Variants in CRIM1 observed in about 807,000 individuals in gnomAD.
CRIM1 encodes cysteine-rich motor neuron 1 protein.
Under a neutral mutation model 116.4 loss-of-function variants are expected in CRIM1, and 32 were observed. The ratio of observed to expected loss-of-function variants is 0.27; its 90% CI spans 0.21 to 0.37. The LOEUF is 0.37. Among genes scored for constraint, CRIM1 ranks in the 10% least tolerant of loss-of-function variants. CRIM1 has a pLI of 1.00. For synonymous variants in CRIM1, 590 were observed against 509.2 expected (o/e 1.16, Z -2.13); for missense variants, 1,331 against 1,354.8 (o/e 0.98, Z 0.28).
intron 2 of CRIM1, among the ~76,000 whole-genome samples, chr2:36,405,292 C>T (rs1466734595): frequency 1.3e-5 from 2 of 152,092 alleles, no homozygotes; most frequent in African/African-American, 2.4e-5. Context: ...ACAGAATTTC[C>T]TCTTAATGTT....
intron 4 of CRIM1, among the ~76,000 whole-genome samples, chr2:36,458,694 G>T (rs1572780419): frequency 6.6e-6 from 1 of 152,196 alleles, no homozygotes; most frequent in East Asian, 1.9e-4. Flanking sequence ...GACACAAGGT[G>T]ACTGATGTTC....
rs3755204 is a variant in CRIM1 at position 36,458,598 on chromosome 2, C to T, written c.870-5936C>T. On this transcript the variant is annotated intron_variant, in intron 4 of 16. Coordinates refer to ENST00000280527, the MANE Select transcript of CRIM1 (RefSeq NM_016441.3). Reference sequence around the variant, plus strand: ...ATAATTATTATGCCCCCACGAAAAACAAAACGTCACCAGTGCAAAGGCCCT... The same window carrying T: ...ATAATTATTATGCCCCCACGAAAAATAAAACGTCACCAGTGCAAAGGCCCT... 1.2e-3 allele frequency among the ~76,000 whole-genome samples: 180 copies of T among 152,122 alleles called. 1 individual carries two copies. The East Asian group carries it at 0.014, about 12-fold the overall frequency.
rs754763701 is a variant in CRIM1, at chr2:36,522,272, G to A, written c.2387G>A (p.Arg796Lys). The A allele has an allele frequency of 6.2e-7, 1 of 1,614,118 alleles. No homozygotes were observed. The highest frequency in any genetic ancestry group is 8.5e-7 in the Non-Finnish European group (1 of 1,180,014). Residue 796 changes from arginine to lysine, a missense_variant, in exon 13 of 17, where the codon AGA becomes AAA. Around this residue, in one of 3 missense-constraint regions of CRIM1, gnomAD observed 358 missense variants for 436.1 expected, o/e 0.82. Coordinates refer to ENST00000280527, the MANE Select transcript of CRIM1 (RefSeq NM_016441.3). Reference sequence around the variant, plus strand: ...TCCTGCCCTTCTGTATCCTGTGAAAGACCTGTCTTGAGAAAAGGCCAGTGT... The same window carrying A: ...TCCTGCCCTTCTGTATCCTGTGAAAAACCTGTCTTGAGAAAAGGCCAGTGT... ...SESCPSVSCE[R>K]PVLRKGQCCP...
intron 2 of CRIM1, among the ~76,000 whole-genome samples, chr2:36,424,094 G>A (rs904725839): frequency 6.6e-6 from 1 of 152,170 alleles, no homozygotes; most frequent in South Asian, 2.1e-4. Flanking sequence ...GGGCTACAAG[G>A]AAACAAAAAT....
intron 7 of CRIM1, among the ~76,000 whole-genome samples, chr2:36,498,791 C>T (rs377581831): frequency 6.6e-6 from 1 of 152,164 alleles, no homozygotes; most frequent in South Asian, 2.1e-4. Flanking sequence ...TAACCGATTT[C>T]AGAAGTATTA....
chr2:36,363,723 A>T (rs944676228), intron 1 of CRIM1, among the ~76,000 whole-genome samples: 14 of 152,210 alleles, frequency 9.2e-5, no homozygotes, highest in African/African-American at 2.9e-4. Flanking sequence ...GATGTGCTAT[A>T]ATCAGCAGTG....
At chr2:36,509,266 C>T (rs1395273932) in intron 8 of CRIM1, among the ~76,000 whole-genome samples, 2 of 152,124 alleles carry the variant, frequency 1.3e-5, no homozygotes, top group African/African-American at 4.8e-5. Context: ...ACCTGTAACC[C>T]CAGCACTTGG....
intron 1 of CRIM1, among the ~76,000 whole-genome samples, chr2:36,377,105 C>G (rs549765174): frequency 2.0e-5 from 3 of 152,344 alleles, no homozygotes; most frequent in South Asian, 4.1e-4. Flanking sequence ...TGGTCAACCC[C>G]CAGCCCTGCA....
chr2:36,504,224 C>A (rs942002899), intron 8 of CRIM1, among the ~76,000 whole-genome samples: 3 of 152,266 alleles, frequency 2.0e-5, no homozygotes, highest in African/African-American at 7.2e-5. Flanking sequence ...TTTCTTCTGT[C>A]TTCGTTGATT....
intron 2 of CRIM1, among the ~76,000 whole-genome samples, chr2:36,415,448 T>A (rs1384271369): frequency 6.6e-6 from 1 of 152,216 alleles, no homozygotes; most frequent in Non-Finnish European, 1.5e-5. Flanking sequence ...TTTTATCTAA[T>A]CCTCTGTCTC....
In CRIM1 at chr2:36,441,326, G is replaced by C. The variant is rs1338895395; in HGVS notation, c.574G>C (p.Val192Leu). 2 of 1,614,166 alleles carry C rather than the reference G, an allele frequency of 1.2e-6. No individual in the cohort carries two copies. Among genetic ancestry groups the C allele is most frequent in the South Asian group, 1.1e-5 (1 of 91,078 alleles). ...CTCTCCACGTTGTCCTGAAGATTCTGTTCTGATCGAGGGTTATGCTCCTCC... is the reference window on the plus strand; with the variant it reads ...CTCTCCACGTTGTCCTGAAGATTCTCTTCTGATCGAGGGTTATGCTCCTCC... ...QFSPRCPEDS[V>L]LIEGYAPPGE... The change falls in exon 3 of 17, where the codon GTT becomes CTT. Residue 192 changes from valine (V) to leucine (L), a missense_variant. Physicochemically the swap from Val to Leu is conservative, Grantham distance 32 (BLOSUM62 1). Coordinates refer to ENST00000280527, the MANE Select transcript of CRIM1 (RefSeq NM_016441.3).
At chr2:36,517,983 G>A (rs181979233) in intron 12 of CRIM1, among the ~76,000 whole-genome samples, 12 of 152,264 alleles carry the variant, frequency 7.9e-5, no homozygotes, top group East Asian at 3.9e-4. Flanking sequence ...TAAGGGTGGC[G>A]AAGAGACTTT....
At chr2:36,359,053 G>T (rs1337204565) in intron 1 of CRIM1, among the ~76,000 whole-genome samples, 1 of 152,132 alleles carries the variant, frequency 6.6e-6, no homozygotes, top group East Asian at 1.9e-4. Context: ...GTTTTTCTGT[G>T]AGTTTACAAG....
chr2:36,466,413 C>T (rs1678032039), intron 5 of CRIM1, among the ~76,000 whole-genome samples: 1 of 152,160 alleles, frequency 6.6e-6, no homozygotes, highest in Non-Finnish European at 1.5e-5. Context: ...TAAACACAAG[C>T]AAATGGCCAA....
intron 1 of CRIM1, among the ~76,000 whole-genome samples, chr2:36,361,938 G>A (rs1181293455): frequency 1.3e-5 from 2 of 152,042 alleles, no homozygotes; most frequent in African/African-American, 4.8e-5. Context: ...CCTTCTCAGA[G>A]GTCTAATTCT....
intron 4 of CRIM1, among the ~76,000 whole-genome samples, chr2:36,458,781 C>T (rs1428859637): frequency 1.3e-5 from 2 of 152,016 alleles, no homozygotes; most frequent in Admixed American, 1.3e-4. Context: ...ATGGGAATGG[C>T]AGTGATAGAA....
chr2:36,517,288 C>T (rs1351207697), intron 11 of CRIM1, 39 bp from the exon 12 acceptor site: 3 of 1,533,070 alleles, frequency 2.0e-6, no homozygotes, highest in Non-Finnish European at 2.7e-6. Flanking sequence ...GGAAAGATTG[C>T]AGATGAATAA....
intron 2 of CRIM1, among the ~76,000 whole-genome samples, chr2:36,408,327 G>C (rs1190921587): frequency 1.3e-5 from 2 of 152,186 alleles, no homozygotes; most frequent in Non-Finnish European, 1.5e-5. Flanking sequence ...GCGTGTTTGT[G>C]GTTTCTGACT....
chr2:36,532,481 C>A (rs1666183934), intron 13 of CRIM1, among the ~76,000 whole-genome samples: 1 of 152,172 alleles, frequency 6.6e-6, no homozygotes, highest in Non-Finnish European at 1.5e-5. Flanking sequence ...TTGGTTATCT[C>A]CACTCCTTGA....
Sources: allele counts gnomAD v4.1 joint callset (sites outside exome capture counted in the v4.1 genomes callset), GRCh38; gene constraint gnomAD v4.1.1; regional missense constraint gnomAD v4.1.1; transcripts MANE v1.5; gene names NCBI Gene and HGNC (gene_info 2026-07-23, HGNC 2026-07-21).